Variants in NBAS observed in about 807,000 individuals in gnomAD.
The protein encoded by NBAS is NAG/BC035112 fusion.
A neutral mutation model predicts 302.5 loss-of-function variants in NBAS; 219 were observed. That is an observed-to-expected ratio of 0.72 (90% CI 0.65 to 0.81). The LOEUF is 0.81. NBAS is among the 30% of genes least tolerant of loss of function. The pLI is 0.00. For synonymous variants in NBAS, 1,118 were observed against 1,021.6 expected (o/e 1.09, Z -1.80); for missense variants, 2,932 against 2,841.6 (o/e 1.03, Z -0.72).
chr2:15,451,796 A>G (rs955868382), intron 21 of NBAS, among the ~76,000 whole-genome samples: 2 of 152,304 alleles, frequency 1.3e-5, no homozygotes, highest in South Asian at 4.2e-4. Flanking sequence ...TTTATCACCA[A>G]AAGATGAAGA....
At chr2:15,333,583 G>C (rs1181650710) in intron 35 of NBAS, among the ~76,000 whole-genome samples, 1 of 152,030 alleles carries the variant, frequency 6.6e-6, no homozygotes, top group Non-Finnish European at 1.5e-5. Flanking sequence ...ACATAATGAA[G>C]TTATCACAAG....
intron 9 of NBAS, among the ~76,000 whole-genome samples, chr2:15,517,970 T>C (rs1482445427): frequency 2.0e-5 from 3 of 152,184 alleles, no homozygotes; most frequent in Admixed American, 6.5e-5. Flanking sequence ...TGGAAAAGTC[T>C]TAAGTTAAAA....
the NBAS span, among the ~76,000 whole-genome samples, chr2:14,860,139 A>G: frequency 1.9e-3 from 284 of 152,306 alleles, 1 homozygote; most frequent in African/African-American, 6.4e-3. Flanking sequence ...AACCACAATG[A>G]AATATAAATA....
intron 50 of NBAS, among the ~76,000 whole-genome samples, chr2:15,184,975 C>G (rs1665008900): frequency 6.6e-6 from 1 of 152,116 alleles, no homozygotes. Flanking sequence ...ATTCTATAGG[C>G]CATTCTTGAA....
At chr2:15,111,863 C>T in the NBAS span, among the ~76,000 whole-genome samples, 1 of 147,466 alleles carries the variant, frequency 6.8e-6, no homozygotes, top group Non-Finnish European at 1.5e-5. Flanking sequence ...ACCAGGCCTC[C>T]CTTATTATTA....
At chr2:15,131,847 A>G in the NBAS span, among the ~76,000 whole-genome samples, 3 of 152,216 alleles carry the variant, frequency 2.0e-5, no homozygotes, top group African/African-American at 7.2e-5. Flanking sequence ...GTGAAGCAGA[A>G]GCAGGCACAT....
At chr2:15,462,895 A>C (rs1193405499) in intron 19 of NBAS, among the ~76,000 whole-genome samples, 2 of 152,214 alleles carry the variant, frequency 1.3e-5, no homozygotes, top group Non-Finnish European at 2.9e-5. Flanking sequence ...CTGCATCTGA[A>C]AAGTAGATGG....
At chr2:15,542,824 T>C (rs1663915665) in intron 6 of NBAS, among the ~76,000 whole-genome samples, 1 of 152,250 alleles carries the variant, frequency 6.6e-6, no homozygotes, top group South Asian at 2.1e-4. Flanking sequence ...TTTTTCCTCT[T>C]ATTTCATTTT....
the NBAS span, among the ~76,000 whole-genome samples, chr2:14,990,674 C>T: frequency 2.6e-5 from 4 of 152,016 alleles, no homozygotes; most frequent in Admixed American, 2.6e-4. Flanking sequence ...CTATGTTGTC[C>T]AGGTTGGACT....
chr2:15,260,583 AAG>A (rs1279654586), intron 44 of NBAS, among the ~76,000 whole-genome samples: 1 of 152,150 alleles, frequency 6.6e-6, no homozygotes, highest in African/African-American at 2.4e-5. Context: ...TGGTCACTGC[AAG>A]AGTCTGGACA....
intron 44 of NBAS, among the ~76,000 whole-genome samples, chr2:15,242,464 G>A (rs1240829191): frequency 6.6e-6 from 1 of 151,922 alleles, no homozygotes; most frequent in Non-Finnish European, 1.5e-5. Context: ...CTTAATTCAA[G>A]CTTTTTATTA....
Position 15,443,351 on chromosome 2 carries a change from C to G in NBAS, c.2340-15557G>C, listed in dbSNP as rs1049822877. ...TGGGATGCAAGGCTGGTTCAATATA[C>G]GCAAATCAATAAATGTAATCCAGCA... On this transcript the variant is annotated intron_variant, in intron 21 of 51. Transcript: ENST00000281513. Among the ~76,000 whole-genome samples the G allele has an allele frequency of 1.6e-4, 24 of 150,468 alleles. 1 individual carries two copies. Among genetic ancestry groups the G allele is most frequent in the African/African-American group, 5.9e-4 (24 of 40,666 alleles).
the NBAS span, among the ~76,000 whole-genome samples, chr2:15,002,221 C>G: frequency 6.6e-6 from 1 of 152,010 alleles, no homozygotes. Context: ...GTTTACAAAC[C>G]TTGAGCTAGA....
the NBAS span, among the ~76,000 whole-genome samples, chr2:15,062,379 A>G: frequency 4.3e-3 from 661 of 152,284 alleles, no homozygotes; most frequent in Middle Eastern, 0.014. Context: ...TGAGCTGCCA[A>G]TTGGGCTATT....
rs541840201 is a variant in NBAS at position 15,290,725 on chromosome 2, A to T, written c.5027+1812T>A. 3.3e-5 allele frequency among the ~76,000 whole-genome samples: 5 copies of T among 152,308 alleles called. No homozygotes were observed. In the South Asian group the frequency reaches 1.0e-3, roughly 32 times the overall value. On this transcript the variant is annotated intron_variant, in intron 41 of 51. Coordinates refer to ENST00000281513, the MANE Select transcript of NBAS (RefSeq NM_015909.4). ...AGAAGGTTGGCTTAGGTTACTTTCA[A>T]ATTGGACACTAAATGACGTTATGAA...
intron 28 of NBAS, among the ~76,000 whole-genome samples, chr2:15,388,973 CTT>C (rs1350437910): frequency 1.3e-5 from 2 of 151,976 alleles, no homozygotes; most frequent in Non-Finnish European, 2.9e-5. Flanking sequence ...AGGGGGGTAA[CTT>C]ATAGCACAAA....
At position 15,229,940 on chromosome 2, in the gene NBAS, G is replaced by A. The variant is rs149676854; in HGVS notation, c.6236+2482C>T. On this transcript the variant is annotated intron_variant, in intron 47 of 51. Coordinates refer to ENST00000281513, the MANE Select transcript of NBAS (RefSeq NM_015909.4). Reference sequence around the variant, plus strand: ...TCCCTGCCAGGAATATTGTGGGATAGTATATACATAACCCAAAAGCATGTA... The same window carrying A: ...TCCCTGCCAGGAATATTGTGGGATAATATATACATAACCCAAAAGCATGTA... 4.7e-3 allele frequency among the ~76,000 whole-genome samples: 709 copies of A among 152,206 alleles called. 2 individuals carry two copies. The highest frequency in any genetic ancestry group is 8.1e-3 in the Non-Finnish European group (552 of 68,006).
Position 15,243,350 on chromosome 2 carries a change from T to C in NBAS, c.5725-4664A>G, listed in dbSNP as rs73915063. 6.3e-3 allele frequency among the ~76,000 whole-genome samples: 963 copies of C among 152,130 alleles called. 13 individuals are homozygous for C. The highest frequency in any genetic ancestry group is 0.022 in the African/African-American group (918 of 41,492). ...AGTTTCCCTTTTTTAACCACAACAA[T>C]TAAGGAGAACATGGGGCCCAGATGG... is the stretch of plus-strand genomic sequence containing the variant. On this transcript the variant is annotated intron_variant, in intron 44 of 51. Coordinates refer to ENST00000281513, the MANE Select transcript of NBAS (RefSeq NM_015909.4).
the NBAS span, among the ~76,000 whole-genome samples, chr2:15,054,996 A>G: frequency 3.8e-4 from 58 of 152,298 alleles, no homozygotes; most frequent in African/African-American, 1.1e-3. Context: ...TGGCAAGGAA[A>G]GTTGTGTAAC....
Sources: allele counts gnomAD v4.1 joint callset (sites outside exome capture counted in the v4.1 genomes callset), GRCh38; gene constraint gnomAD v4.1.1; transcripts MANE v1.5; gene names NCBI Gene and HGNC (gene_info 2026-07-23, HGNC 2026-07-21).